CLIP2: variants seen among roughly 807,000 people sequenced by gnomAD.
CLIP2 encodes CAP-Gly domain-containing linker protein 2.
CLIP2 carries 41 observed loss-of-function variants against 111.7 expected under a neutral mutation model. The observed-to-expected ratio is 0.37, with a 90% CI of 0.29 to 0.48. The LOEUF (loss-of-function observed/expected upper bound fraction) is 0.48. Ranked by LOEUF, CLIP2 falls within the 20% of genes least tolerant of loss-of-function variation. The pLI is 0.99. For synonymous variants in CLIP2, 660 were observed against 644.2 expected, an observed-to-expected ratio of 1.02 and a Z score of -0.37; for missense variants, 1,160 against 1,422.1, an observed-to-expected ratio of 0.82 and a Z score of 2.96.
At chr7:74,318,246 G>A (rs1788843638) in intron 2 of CLIP2, among the ~76,000 whole-genome samples, 1 of 152,124 alleles carries the variant, frequency 6.6e-6, no homozygotes, top group South Asian at 2.1e-4. Flanking sequence ...GAGGGAGAGA[G>A]CGTGGGGGTG....
chr7:74,357,057 C>T (rs1359981272), intron 5 of CLIP2, among the ~76,000 whole-genome samples: 1 of 152,156 alleles, frequency 6.6e-6, no homozygotes, highest in African/African-American at 2.4e-5. Flanking sequence ...GCTGACTCTC[C>T]TGAGATGGGG....
At chr7:74,334,894 A>C (rs1554731863) in intron 2 of CLIP2, among the ~76,000 whole-genome samples, 1 of 151,618 alleles carries the variant, frequency 6.6e-6, no homozygotes, top group Non-Finnish European at 1.5e-5. Context: ...AGGCCGAGGC[A>C]TGAGAATTGC....
Position 74,348,682 on chromosome 7 carries a change from T to C in CLIP2, c.679-5198T>C, listed in dbSNP as rs1304019209. On this transcript the variant is annotated intron_variant, in intron 3 of 16. Transcript: ENST00000223398. ...GCGGGCGCCTGTAGTCCCAGCTACT[T>C]GGGAGGCTGAGGCAGGAGAATGGCA... 5.4e-5 allele frequency among the ~76,000 whole-genome samples: 8 copies of C among 149,108 alleles called. No individual in the cohort carries two copies. The South Asian group carries it at 1.3e-3, about 24-fold the overall frequency.
intron 3 of CLIP2, among the ~76,000 whole-genome samples, chr7:74,350,926 AAGGGAAG>A: frequency 6.7e-6 from 1 of 148,464 alleles, no homozygotes; most frequent in South Asian, 2.2e-4. Flanking sequence ...GAAGGGAAGG[AAGGGAAG>A]GAAAGGAAGG....
intron 3 of CLIP2, among the ~76,000 whole-genome samples, chr7:74,346,567 A>G (rs920182939): frequency 1.3e-5 from 2 of 152,032 alleles, no homozygotes; most frequent in Non-Finnish European, 2.9e-5. Flanking sequence ...TACTAAAAAT[A>G]CAAAAGTTAG....
At chr7:74,380,665 G>A (rs142207253) in intron 10 of CLIP2, 141 bp from the exon 11 acceptor site, 148 of 638,624 alleles carry the variant, frequency 2.3e-4, no homozygotes, top group African/African-American at 2.3e-3. Flanking sequence ...CCCTGCCACC[G>A]CAGCAAGTCC....
intron 3 of CLIP2, among the ~76,000 whole-genome samples, chr7:74,352,875 G>T (rs1790046550): frequency 6.6e-6 from 1 of 152,048 alleles, no homozygotes; most frequent in Admixed American, 6.6e-5. Flanking sequence ...AGCTGGGTGT[G>T]GTGGCACATA....
chr7:74,376,865 G>T lies in CLIP2; in HGVS notation c.2421+43G>T. The T allele has an allele frequency of 6.1e-6, 9 of 1,480,490 alleles. No homozygotes were observed. The highest frequency in any genetic ancestry group is 8.1e-6 in the Non-Finnish European group (9 of 1,112,718). The allele number at this position is 1,480,490 out of a possible 1,614,324, so 91.7% of individuals were successfully genotyped here. On this transcript the variant is annotated intron_variant, in intron 10 of 16. Coordinates refer to ENST00000223398, the MANE Select transcript of CLIP2 (RefSeq NM_003388.5). This position sits in a 1 kb window ranked among gnomAD's most constrained non-coding sequence, Gnocchi z 7.1. ...CTGCTGGGGCGGGAGGGTCGGGCTG[G>T]GGAGGGCTTGGCCTTTTGCTGACCT...
intron 8 of CLIP2, 151 bp downstream of exon 8, chr7:74,364,466 T>C: frequency 1.5e-6 from 1 of 675,800 alleles, no homozygotes; most frequent in Non-Finnish European, 2.5e-6. Flanking sequence ...GTCTGATGTC[T>C]GAGGTGTTAG....
intron 13 of CLIP2, among the ~76,000 whole-genome samples, chr7:74,395,010 T>C (rs1207578538): frequency 1.3e-5 from 2 of 152,178 alleles, no homozygotes; most frequent in Non-Finnish European, 2.9e-5. Flanking sequence ...TCTCTGAATT[T>C]TCCCTGTCAT....
Position 74,389,171 on chromosome 7 carries a change from G to C in CLIP2, c.2632G>C (p.Glu878Gln). 6.2e-7 allele frequency: 1 copy of C among 1,613,778 alleles called. No individual in the cohort carries two copies. The highest frequency in any genetic ancestry group is 8.5e-7 in the Non-Finnish European group (1 of 1,179,968). Residue 878 changes from glutamate (E) to glutamine (Q), a missense_variant, in exon 13 of 17, where the codon GAG becomes CAG. Glu to Gln is a conservative substitution (Grantham distance 29). This residue lies in a region of CLIP2 where 676 missense variants were observed against 777.8 expected (regional missense o/e 0.87). Transcript: ENST00000223398. ...DALLKEKRRL[E>Q]AELETVSRKT... ...CCTCCTGAAGGAGAAGCGGCGCCTG[G>C]AGGCAGAGCTGGAGACCGTGTCCCG...
Position 74,338,494 on chromosome 7 carries a change from C to A in CLIP2, c.168C>A (p.Ala56=). Residue 56 remains alanine (A), a synonymous_variant, in exon 3 of 17, where the codon GCC becomes GCA. Coordinates refer to ENST00000223398, the MANE Select transcript of CLIP2 (RefSeq NM_003388.5). This position sits in a 1 kb window ranked among gnomAD's most constrained non-coding sequence, Gnocchi z 4.3. ...CATCTGGACCCTCCTCCTCCCCGGC[C>A]GCAGCTGCTGCCCCCGAGAAGCCGG... ...KQSSGPSSSP[A]AAAAPEKPGP... 6.2e-7 allele frequency: 1 copy of A among 1,612,184 alleles called. No homozygotes were observed. The highest frequency in any genetic ancestry group is 8.5e-7 in the Non-Finnish European group (1 of 1,179,642).
In CLIP2 at chr7:74,389,334, G is replaced by A. The variant is rs1447467784; in HGVS notation, c.2720+75G>A. ...GCTCCTCTTCTTGACATTAGCTCAT[G>A]TTATCTTGGGGCAGAGAGGGGGATA... On this transcript the variant is annotated intron_variant, in intron 13 of 16. Coordinates refer to ENST00000223398, the MANE Select transcript of CLIP2 (RefSeq NM_003388.5). The A allele has an allele frequency of 1.4e-5, 20 of 1,414,940 alleles. No homozygotes were observed. The East Asian group carries it at 5.1e-4, about 36-fold the overall frequency. 87.6% of individuals were successfully genotyped at this position (1,414,940 alleles called of 1,614,324 possible). A position where few individuals can be genotyped will look rare whatever the true frequency, so the allele number is the denominator to read the frequency against.
At chr7:74,380,965 T>C in intron 11 of CLIP2, 102 bp downstream of exon 11, 1 of 1,138,580 alleles carries the variant, frequency 8.8e-7, no homozygotes, top group South Asian at 1.2e-5. Flanking sequence ...ATCTGCCATT[T>C]GGTAAGAGTC....
intron 3 of CLIP2, among the ~76,000 whole-genome samples, chr7:74,349,170 C>A (rs896399863): frequency 6.9e-6 from 1 of 145,926 alleles, no homozygotes; most frequent in South Asian, 2.2e-4. Context: ...TGGTAGCTTA[C>A]GCCTGTAATC....
chr7:74,403,979 T>C lies in CLIP2; in HGVS notation c.*131T>C. 9.8e-7 allele frequency: 1 copy of C among 1,016,238 alleles called. No homozygotes were observed. Among genetic ancestry groups the C allele is most frequent in the Non-Finnish European group, 1.5e-6 (1 of 651,248 alleles). 63.0% of individuals were successfully genotyped at this position (1,016,238 alleles called of 1,614,324 possible). A position where few individuals can be genotyped will look rare whatever the true frequency, so the allele number is the denominator to read the frequency against. On this transcript the variant is annotated 3_prime_UTR_variant, in exon 17 of 17. Coordinates refer to ENST00000223398, the MANE Select transcript of CLIP2 (RefSeq NM_003388.5). The stretch of plus-strand genomic sequence containing the variant: ...AACAGTGTTTGTAACAATAACGTAC[T>C]CACCGCCGCGGACAATCCCCCACCC...
At chr7:74,394,328 G>A (rs1400228125) in intron 13 of CLIP2, among the ~76,000 whole-genome samples, 6 of 134,810 alleles carry the variant, frequency 4.5e-5, no homozygotes, top group African/African-American at 1.1e-4. Flanking sequence ...TCTGCTCACC[G>A]CAACCTCTGC....
intron 3 of CLIP2, among the ~76,000 whole-genome samples, chr7:74,345,855 C>T (rs1789784804): frequency 6.6e-6 from 1 of 151,174 alleles, no homozygotes; most frequent in African/African-American, 2.4e-5. Flanking sequence ...CTCAAGAAAG[C>T]AAGAGAGAGA....
In CLIP2 at chr7:74,317,671, C is replaced by G. The variant is rs781842379; in HGVS notation, c.121+4C>G. On this transcript the variant is annotated splice_donor_region_variant and intron_variant, in intron 2 of 16. Coordinates refer to ENST00000223398, the MANE Select transcript of CLIP2 (RefSeq NM_003388.5). ...GTGGCCGCTAGCTCCAAGGAAGGTA[C>G]GTGGCACACCAAGGATGGGGGGTGA... 2.1e-6 allele frequency: 3 copies of G among 1,450,866 alleles called. No individual in the cohort carries two copies. In the African/African-American group the frequency reaches 4.3e-5, roughly 21 times the overall value. 89.9% of individuals were successfully genotyped at this position (1,450,866 alleles called of 1,614,324 possible).
Sources: gnomAD v4.1 joint callset for allele counts (sites outside exome capture counted in the v4.1 genomes callset) on GRCh38, gnomAD v4.1.1 for gene constraint, gnomAD v4.1.1 regional missense constraint, Gnocchi (gnomAD v3.1) non-coding constraint, MANE v1.5 for transcripts, NCBI Gene and HGNC (gene_info 2026-07-23, HGNC 2026-07-21) for gene names.